The following CA8 variants were observed in gnomAD, a reference collection of about 807,000 sequenced individuals.
CA8 encodes carbonic anhydrase 8 (inactive), also known as carbonic anhydrase-related protein.
A neutral mutation model predicts 41.4 loss-of-function variants in CA8; 22 were observed. The ratio of observed to expected loss-of-function variants is 0.53; its 90% CI spans 0.38 to 0.76. The LOEUF is 0.76. Among genes scored for constraint, CA8 ranks in the 30% least tolerant of loss-of-function variants. CA8 has a pLI of 0.00. For missense variants in CA8, 270 were observed against 352.8 expected (o/e 0.77, Z 1.88); for synonymous variants, 121 against 130.6 (o/e 0.93, Z 0.50).
rs781642348 is a variant in CA8 at position 60,226,933 on chromosome 8, T to C, written c.516A>G (p.Ile172Met). Residue 172 changes from isoleucine to methionine, a missense_variant and splice_region_variant, in exon 5 of 9, where the codon ATA (isoleucine) becomes ATG (methionine). By Grantham distance (10) the Ile-to-Met change is conservative. This residue lies in a region of CA8 where 141 missense variants were observed against 191.6 expected (regional missense o/e 0.74). Coordinates refer to ENST00000317995, the MANE Select transcript of CA8 (RefSeq NM_004056.6). Reference sequence around the variant, plus strand: ...CCTTCAAGCCAACATGTTCCTTTCCTATCTGAAAAACATAAAGCATAAACC... The same window carrying C: ...CCTTCAAGCCAACATGTTCCTTTCCCATCTGAAAAACATAAAGCATAAACC... ...GIAIIALFVQIGKEHVGLKAV... is the reference protein window; with the variant it reads ...GIAIIALFVQMGKEHVGLKAV... 11 of 1,600,748 alleles carry C rather than the reference T, an allele frequency of 6.9e-6. No homozygotes were observed. Among genetic ancestry groups the C allele is most frequent in the Non-Finnish European group, 8.6e-6 (10 of 1,168,320 alleles).
rs1453714567 is a variant in CA8 at position 60,187,750 on chromosome 8, C to A, written c.*2271G>T. Reference sequence around the variant, plus strand: ...CATGAAAAATCATTTCACTTTGTTGCCTTATTAAATTGTTTCATAAACAAA... The same window carrying A: ...CATGAAAAATCATTTCACTTTGTTGACTTATTAAATTGTTTCATAAACAAA... On this transcript the variant is annotated 3_prime_UTR_variant, in exon 9 of 9. Transcript: ENST00000317995. The A allele has an allele frequency of 6.6e-6, 1 of 152,124 alleles. No individual in the cohort carries two copies. The highest frequency in any genetic ancestry group is 1.5e-5 in the Non-Finnish European group (1 of 68,000). The allele number at this position is 152,124 out of a possible 1,614,324, so 9.4% of individuals were successfully genotyped here.
rs1805968678 is a variant in CA8 at position 60,186,490 on chromosome 8, A to G, written c.*3531T>C. ...AAAGTAATAGAGGAGGAATAAAGGA[A>G]CAACAACAAAAAGATACAAGACATG... On this transcript the variant is annotated 3_prime_UTR_variant, in exon 9 of 9. Coordinates refer to ENST00000317995, the MANE Select transcript of CA8 (RefSeq NM_004056.6). Among the ~76,000 whole-genome samples the G allele has an allele frequency of 6.6e-6, 1 of 151,954 alleles. No individual in the cohort carries two copies. Among genetic ancestry groups the G allele is most frequent in the Admixed American group, 6.5e-5 (1 of 15,270 alleles).
intron 2 of CA8, among the ~76,000 whole-genome samples, chr8:60,266,506 G>A (rs1325908720): frequency 2.0e-5 from 3 of 152,194 alleles, no homozygotes; most frequent in Admixed American, 6.5e-5. Context: ...GCGAACGGGT[G>A]TGTGGACTAA....
At chr8:60,273,235 T>C (rs1454045820) in intron 2 of CA8, among the ~76,000 whole-genome samples, 1 of 152,218 alleles carries the variant, frequency 6.6e-6, no homozygotes, top group African/African-American at 2.4e-5. Flanking sequence ...ACTGCAGTAT[T>C]TGAAAGTGGA....
chr8:60,222,599 A>T, intron 7 of CA8, 50 bp downstream of exon 7: 1 of 1,143,806 alleles, frequency 8.7e-7, no homozygotes, highest in Non-Finnish European at 1.3e-6. Context: ...TCTCAGAAAC[A>T]ATGTTTAACT....
chr8:60,191,635 G>T (rs1806134307), intron 8 of CA8, among the ~76,000 whole-genome samples: 1 of 152,120 alleles, frequency 6.6e-6, no homozygotes, highest in Non-Finnish European at 1.5e-5. Context: ...GTCACCTCTT[G>T]ATTTAACACA....
intron 8 of CA8, among the ~76,000 whole-genome samples, chr8:60,197,214 C>G (rs1225839325): frequency 6.6e-6 from 1 of 151,974 alleles, no homozygotes; most frequent in Non-Finnish European, 1.5e-5. Context: ...CAAATTTTGG[C>G]ATATACTTAA....
chr8:60,246,996 GC>G (rs926991263), intron 3 of CA8, among the ~76,000 whole-genome samples: 1 of 145,570 alleles, frequency 6.9e-6, no homozygotes, highest in African/African-American at 2.6e-5. Flanking sequence ...CCATTCTCCT[GC>G]CTCAGCCTCC....
chr8:60,273,001 C>A (rs1563384709), intron 2 of CA8, among the ~76,000 whole-genome samples: 1 of 152,210 alleles, frequency 6.6e-6, no homozygotes, highest in East Asian at 1.9e-4. Context: ...TGTCTATTGA[C>A]ACTGCAGATG....
At chr8:60,266,976 T>A (rs1206182432) in intron 2 of CA8, among the ~76,000 whole-genome samples, 1 of 152,232 alleles carries the variant, frequency 6.6e-6, no homozygotes, top group Non-Finnish European at 1.5e-5. Context: ...AACACCTTCA[T>A]CTTTCCTAGA....
chr8:60,222,742 G>A lies in CA8; in HGVS notation c.645C>T (p.Tyr215=), dbSNP rs988268667. 1 of 1,612,786 alleles carries A rather than the reference G, an allele frequency of 6.2e-7. No individual in the cohort carries two copies. The highest frequency in any genetic ancestry group is 1.3e-5 in the African/African-American group (1 of 74,890). The change falls in exon 7 of 9, where the codon TAC becomes TAT. Residue 215 remains tyrosine, a synonymous_variant. Transcript: ENST00000317995. ...TGGTGAGAGAGCCTTCATACACCCA[G>A]TAATCCCGCAGCAGAGGGTCTGCAC... is the stretch of plus-strand genomic sequence containing the variant. ...TLLPDPLLRD[Y]WVYEGSLTIP...
chr8:60,277,389 T>C (rs933556933), intron 2 of CA8, among the ~76,000 whole-genome samples: 2 of 152,118 alleles, frequency 1.3e-5, no homozygotes, highest in African/African-American at 2.4e-5. Flanking sequence ...GTTTTGCTTT[T>C]GTCGCCCAGG....
At chr8:60,213,344 C>T (rs1288931865) in intron 7 of CA8, among the ~76,000 whole-genome samples, 1 of 152,234 alleles carries the variant, frequency 6.6e-6, no homozygotes, top group Non-Finnish European at 1.5e-5. Context: ...CTGAGCCACA[C>T]AGATTTAAAC....
At chr8:60,255,053 T>C (rs1392461655) in intron 3 of CA8, among the ~76,000 whole-genome samples, 1 of 151,902 alleles carries the variant, frequency 6.6e-6, no homozygotes, top group Non-Finnish European at 1.5e-5. Flanking sequence ...TTTGAGAGAG[T>C]CATCAATCTT....
rs189488049 is a variant in CA8 at position 60,239,365 on chromosome 8, G to A, written c.418-6986C>T. Among the ~76,000 whole-genome samples the A allele has an allele frequency of 5.5e-4, 84 of 152,288 alleles. 3 individuals carry two copies. In the East Asian group the frequency reaches 0.015, roughly 28 times the overall value. ...GCTGCTGCCTTGAGAAAGGGCTAAA[G>A]GTACAGGGAGCAGATACCCCTAGAG... On this transcript the variant is annotated intron_variant, in intron 3 of 8. Transcript: ENST00000317995.
intron 8 of CA8, among the ~76,000 whole-genome samples, chr8:60,197,471 T>C (rs114253546): frequency 0.017 from 2,630 of 152,318 alleles, 33 homozygotes; most frequent in Middle Eastern, 0.048. Flanking sequence ...CATTATCTCA[T>C]TGTTATCTTC....
At chr8:60,203,419 TAA>T (rs1417895874) in intron 8 of CA8, among the ~76,000 whole-genome samples, 1 of 152,216 alleles carries the variant, frequency 6.6e-6, no homozygotes, top group Non-Finnish European at 1.5e-5. Context: ...CAGTTTTTAA[TAA>T]AGTTTCAATT....
At chr8:60,277,986 C>A (rs78472781) in intron 2 of CA8, among the ~76,000 whole-genome samples, 2,946 of 152,246 alleles carry the variant, frequency 0.019, 83 homozygotes, top group African/African-American at 0.066. Flanking sequence ...GACACTTCTT[C>A]TTCAGTGGGC....
At chr8:60,280,237 A>T (rs1804367138) in intron 1 of CA8, among the ~76,000 whole-genome samples, 1 of 152,210 alleles carries the variant, frequency 6.6e-6, no homozygotes, top group Admixed American at 6.5e-5. Flanking sequence ...AGTACCTGGG[A>T]AACAGCTGTA....
Sources: gnomAD v4.1 joint callset for allele counts (sites outside exome capture counted in the v4.1 genomes callset) on GRCh38, gnomAD v4.1.1 for gene constraint, gnomAD v4.1.1 regional missense constraint, MANE v1.5 for transcripts, NCBI Gene and HGNC (gene_info 2026-07-23, HGNC 2026-07-21) for gene names.